Variants in TAFA2 observed in about 807,000 individuals in gnomAD.
TAFA2 encodes the protein TAFA chemokine like family member 2, also known as chemokine-like protein TAFA-2.
A neutral mutation model predicts 18.8 loss-of-function variants in TAFA2; 7 were observed. The observed-to-expected ratio is 0.37, with a 90% CI of 0.21 to 0.70. The LOEUF (loss-of-function observed/expected upper bound fraction) is 0.70, where lower values mean the gene tolerates loss of function less well. Ranked by LOEUF, TAFA2 falls within the 30% of genes least tolerant of loss-of-function variation. The probability of loss-of-function intolerance (pLI) is 0.53; values close to 1 mark genes in which losing one functional copy is unlikely to be tolerated. For synonymous variants in TAFA2, 60 were observed against 54.2 expected (o/e 1.11, Z -0.47); for missense variants, 122 against 158.1 (o/e 0.77, Z 1.23).
intron 2 of TAFA2, among the ~76,000 whole-genome samples, chr12:61,796,905 T>C (rs1208697950): frequency 2.0e-5 from 3 of 152,102 alleles, no homozygotes; most frequent in African/African-American, 2.4e-5. Context: ...AACATAAATA[T>C]AAAGGCAGAA....
intron 1 of TAFA2, among the ~76,000 whole-genome samples, chr12:62,003,690 C>A (rs1880454224): frequency 6.6e-6 from 1 of 152,184 alleles, no homozygotes; most frequent in Non-Finnish European, 1.5e-5. Flanking sequence ...CTCCTGTCTA[C>A]CACCACTAGG....
chr12:62,069,583 A>G (rs541822580), intron 1 of TAFA2, among the ~76,000 whole-genome samples: 179 of 152,304 alleles, frequency 1.2e-3, no homozygotes, highest in African/African-American at 4.1e-3. Flanking sequence ...TTATAATAAC[A>G]CTAGCTAACA....
intron 1 of TAFA2, among the ~76,000 whole-genome samples, chr12:61,877,172 T>C (rs900638699): frequency 2.6e-5 from 4 of 152,236 alleles, no homozygotes; most frequent in African/African-American, 9.6e-5. Context: ...AGTAAGCCTC[T>C]ATAACATATT....
At chr12:61,848,605 G>A (rs200301451) in intron 2 of TAFA2, among the ~76,000 whole-genome samples, 1 of 117,466 alleles carries the variant, frequency 8.5e-6, no homozygotes, top group Non-Finnish European at 1.8e-5. Context: ...ATAAAATTAA[G>A]TTAAACATAG....
At chr12:61,829,170 G>A (rs1235935361) in intron 2 of TAFA2, among the ~76,000 whole-genome samples, 1 of 151,710 alleles carries the variant, frequency 6.6e-6, no homozygotes, top group African/African-American at 2.4e-5. Context: ...ACACTTATAA[G>A]AATATAAGAA....
intron 1 of TAFA2, among the ~76,000 whole-genome samples, chr12:61,957,115 A>G (rs1878721930): frequency 6.6e-6 from 1 of 152,146 alleles, no homozygotes; most frequent in African/African-American, 2.4e-5. Context: ...TGAGCTCACA[A>G]GGATTTATGC....
chr12:61,873,380 C>T (rs796244189), intron 1 of TAFA2, among the ~76,000 whole-genome samples: 12 of 151,654 alleles, frequency 7.9e-5, no homozygotes, highest in African/African-American at 2.9e-4. Context: ...ATACATGTGC[C>T]ATGCTGGTGT....
intron 1 of TAFA2, among the ~76,000 whole-genome samples, chr12:61,885,636 G>A (rs972983730): frequency 6.6e-6 from 1 of 152,188 alleles, no homozygotes; most frequent in Admixed American, 6.5e-5. Context: ...CTTTCTGTGT[G>A]AAGAATGAAA....
intron 4 of TAFA2, among the ~76,000 whole-genome samples, chr12:61,712,590 C>T (rs1869464728): frequency 6.6e-6 from 1 of 152,014 alleles, no homozygotes; most frequent in Non-Finnish European, 1.5e-5. Flanking sequence ...TTTCTATCAG[C>T]TAACATAATT....
intron 1 of TAFA2, among the ~76,000 whole-genome samples, chr12:61,927,379 A>G (rs1877349490): frequency 6.6e-6 from 1 of 152,214 alleles, no homozygotes; most frequent in African/African-American, 2.4e-5. Flanking sequence ...ACAGATAAAC[A>G]GAGAGCCAAA....
intron 2 of TAFA2, among the ~76,000 whole-genome samples, chr12:61,802,682 G>C (rs1193654242): frequency 6.6e-6 from 1 of 151,960 alleles, no homozygotes; most frequent in African/African-American, 2.4e-5. Flanking sequence ...CAACACAGTA[G>C]GGTGACTTTA....
chr12:61,802,732 G>A lies in TAFA2; in HGVS notation c.107-47708C>T, dbSNP rs552714321. Among the ~76,000 whole-genome samples the A allele has an allele frequency of 1.4e-4, 21 of 152,170 alleles. No individual in the cohort carries two copies. The East Asian group carries it at 3.9e-3, about 28-fold the overall frequency. ...ATTGTACATTTTCAAATAGCTAGAA[G>A]AGAGGATTTTGAATGTTCCCAACAG... On this transcript the variant is annotated intron_variant, in intron 2 of 4. Transcript: ENST00000416284.
chr12:62,213,898 T>C (rs1158265489), intron 1 of TAFA2, among the ~76,000 whole-genome samples: 1 of 152,150 alleles, frequency 6.6e-6, no homozygotes, highest in African/African-American at 2.4e-5. Flanking sequence ...AGAAACTCAT[T>C]AAGATGGAAA....
At chr12:61,793,513 T>C (rs772698180) in intron 2 of TAFA2, among the ~76,000 whole-genome samples, 58 of 151,714 alleles carry the variant, frequency 3.8e-4, no homozygotes, top group Non-Finnish European at 7.7e-4. Flanking sequence ...GGGTAAATTC[T>C]TTTAAAAACA....
chr12:61,734,827 G>A (rs1481471292), intron 4 of TAFA2, among the ~76,000 whole-genome samples: 2 of 151,824 alleles, frequency 1.3e-5, no homozygotes, highest in African/African-American at 4.8e-5. Flanking sequence ...ACAGTTCAGT[G>A]GTAATAACTA....
chr12:61,738,411 A>G (rs556525519), intron 4 of TAFA2, among the ~76,000 whole-genome samples: 1 of 151,882 alleles, frequency 6.6e-6, no homozygotes, highest in African/African-American at 2.4e-5. Flanking sequence ...TTGTGCATGC[A>G]TATGAGGCTA....
chr12:61,830,673 C>T (rs1157868547), intron 2 of TAFA2, among the ~76,000 whole-genome samples: 1 of 151,788 alleles, frequency 6.6e-6, no homozygotes, highest in East Asian at 1.9e-4. Flanking sequence ...GATGGTTGCA[C>T]TAAATGCCCA....
intron 1 of TAFA2, among the ~76,000 whole-genome samples, chr12:62,036,758 A>G (rs2136753854): frequency 6.6e-6 from 1 of 152,376 alleles, no homozygotes; most frequent in South Asian, 2.1e-4. Flanking sequence ...GAAATCAAAT[A>G]GCACAACTAA....
chr12:61,985,210 G>A (rs187146478), intron 1 of TAFA2, among the ~76,000 whole-genome samples: 2 of 152,272 alleles, frequency 1.3e-5, no homozygotes, highest in Admixed American at 1.3e-4. Context: ...GGAAACGCTG[G>A]ACATGCTGGA....
Sources: gnomAD v4.1 joint callset for allele counts (sites outside exome capture counted in the v4.1 genomes callset) on GRCh38, gnomAD v4.1.1 for gene constraint, MANE v1.5 for transcripts, NCBI Gene and HGNC (gene_info 2026-07-23, HGNC 2026-07-21) for gene names.